MRTFB: variants seen among roughly 807,000 people sequenced by gnomAD.
MRTFB encodes the protein myocardin-related transcription factor B.
MRTFB carries 29 observed loss-of-function variants against 104.2 expected under a neutral mutation model. That is an observed-to-expected ratio of 0.28 (90% CI 0.21 to 0.38). The LOEUF (loss-of-function observed/expected upper bound fraction) is 0.38. Among genes scored for constraint, MRTFB ranks in the 10% least tolerant of loss-of-function variants. MRTFB has a pLI of 1.00. For synonymous variants in MRTFB, 535 were observed against 519.5 expected (o/e 1.03, Z -0.41); for missense variants, 1,270 against 1,341.6 (o/e 0.95, Z 0.83).
At chr16:14,021,582 C>T in the MRTFB span, among the ~76,000 whole-genome samples, 281 of 152,228 alleles carry the variant, frequency 1.8e-3, 1 homozygote, top group Admixed American at 4.2e-3. Context: ...CCTTCCCACC[C>T]TTTCCCTCTG....
chr16:14,221,958 T>A (rs1217251102), intron 8 of MRTFB, among the ~76,000 whole-genome samples: 1 of 152,034 alleles, frequency 6.6e-6, no homozygotes, highest in South Asian at 2.1e-4. Flanking sequence ...ATTTTTGTAT[T>A]TTTGTAGAGA....
In MRTFB at chr16:14,090,908, G is replaced by GTGTGTA. The variant is rs1555481480; in HGVS notation, c.-64+11559_-64+11560insATGTGT. 5.0e-3 allele frequency among the ~76,000 whole-genome samples: 765 copies of GTGTGTA among 151,950 alleles called. 8 individuals carry two copies. The highest frequency in any genetic ancestry group is 0.017 in the African/African-American group (713 of 41,430). ...TGTGTGTGTGTGTGTGTGTGTGTGT[G>GTGTGTA]TGTGTGTGTGTGTAGTTCTGTATAG... On this transcript the variant is annotated intron_variant, in intron 2 of 16. Coordinates refer to ENST00000571589, the MANE Select transcript of MRTFB (RefSeq NM_001308142.2).
chr16:14,036,618 G>T, the MRTFB span, among the ~76,000 whole-genome samples: 1 of 148,182 alleles, frequency 6.7e-6, no homozygotes, highest in East Asian at 2.0e-4. Flanking sequence ...TATATATGTT[G>T]AAATATATAC....
At chr16:14,043,110 T>C in the MRTFB span, among the ~76,000 whole-genome samples, 1 of 152,280 alleles carries the variant, frequency 6.6e-6, no homozygotes, top group African/African-American at 2.4e-5. Context: ...TGTGGCCTCA[T>C]TTTATTTTAT....
rs2043124658 is a variant in MRTFB at position 14,248,642 on chromosome 16, C to T, written c.2248-284C>T. On this transcript the variant is annotated intron_variant, in intron 12 of 16. Coordinates refer to ENST00000571589, the MANE Select transcript of MRTFB (RefSeq NM_001308142.2). ...CCTGAGCTATTATGTGTAGAACTGC[C>T]TTAGGTTCTTATTATTTCCATTTCC... 3 of 311,276 alleles carry T rather than the reference C, an allele frequency of 9.6e-6. No homozygotes were observed. In the South Asian group the frequency reaches 1.1e-4, roughly 12 times the overall value. The allele number at this position is 311,276 out of a possible 1,614,324, so 19.3% of individuals were successfully genotyped here.
chr16:14,130,579 A>G (rs887528115), intron 2 of MRTFB, among the ~76,000 whole-genome samples: 1 of 152,256 alleles, frequency 6.6e-6, no homozygotes, highest in Non-Finnish European at 1.5e-5. Flanking sequence ...TTAAACTGCC[A>G]GAATTTTGCC....
intron 16 of MRTFB, among the ~76,000 whole-genome samples, chr16:14,258,917 TA>T (rs1050018396): frequency 1.3e-5 from 2 of 151,796 alleles, no homozygotes; most frequent in South Asian, 2.1e-4. Flanking sequence ...AATCAATATT[TA>T]AAAAAAAATT....
chr16:14,185,179 C>T (rs1028939209), intron 3 of MRTFB, among the ~76,000 whole-genome samples: 2 of 152,072 alleles, frequency 1.3e-5, no homozygotes, highest in African/African-American at 2.4e-5. Flanking sequence ...TTTGGACTGC[C>T]GAGGATGGAC....
intron 15 of MRTFB, among the ~76,000 whole-genome samples, chr16:14,253,456 G>A (rs1287706012): frequency 1.3e-5 from 2 of 152,296 alleles, no homozygotes; most frequent in East Asian, 3.9e-4. Context: ...TAACTTGTTG[G>A]GGCCACATGG....
chr16:14,222,214 C>G (rs1436256249), intron 8 of MRTFB, among the ~76,000 whole-genome samples: 1 of 152,144 alleles, frequency 6.6e-6, no homozygotes, highest in Non-Finnish European at 1.5e-5. Context: ...AGTGAAATCT[C>G]TGCCTTAGAT....
chr16:14,083,628 C>T (rs1038748338), intron 2 of MRTFB, among the ~76,000 whole-genome samples: 4 of 152,334 alleles, frequency 2.6e-5, no homozygotes, highest in Middle Eastern at 3.4e-3. Context: ...CCACGCTGTG[C>T]TGCCTAGGGT....
chr16:14,010,328 C>A, the MRTFB span, among the ~76,000 whole-genome samples: 2 of 152,044 alleles, frequency 1.3e-5, no homozygotes, highest in African/African-American at 4.8e-5. Flanking sequence ...GATTTATTTT[C>A]TTTTTTGAGA....
chr16:14,226,457 A>T (rs1166938822), intron 8 of MRTFB, among the ~76,000 whole-genome samples: 1 of 152,210 alleles, frequency 6.6e-6, no homozygotes, highest in Admixed American at 6.5e-5. Flanking sequence ...AACAAATGGT[A>T]CTGGGAAAAC....
At chr16:14,023,610 C>CACAT in the MRTFB span, among the ~76,000 whole-genome samples, 48 of 106,970 alleles carry the variant, frequency 4.5e-4, 4 homozygotes, top group African/African-American at 1.1e-3. Context: ...CACACACACA[C>CACAT]ATACATATAC....
At chr16:14,040,554 C>T in the MRTFB span, among the ~76,000 whole-genome samples, 1 of 152,028 alleles carries the variant, frequency 6.6e-6, no homozygotes, top group African/African-American at 2.4e-5. Flanking sequence ...CCTCCGCCTC[C>T]CTGGTTCCAG....
chr16:14,077,724 A>G (rs7193308), intron 1 of MRTFB, among the ~76,000 whole-genome samples: 17,500 of 152,130 alleles, frequency 0.12, 2,229 homozygotes, highest in African/African-American at 0.32. Flanking sequence ...TAAAAGAGAA[A>G]ACGTGTGAAA....
intron 3 of MRTFB, chr16:14,151,588 C>T (rs186126370): frequency 1.6e-4 from 24 of 152,242 alleles, no homozygotes; most frequent in Admixed American, 3.9e-4. Flanking sequence ...CCATTTTCTA[C>T]AAGTATTTCT....
intron 3 of MRTFB, chr16:14,200,474 C>T (rs2040642397): frequency 1.2e-6 from 2 of 1,610,482 alleles, no homozygotes; most frequent in Non-Finnish European, 1.7e-6. Context: ...ATCGTTTTTC[C>T]ACTTATTCTT....
chr16:14,146,074 G>A (rs532557733), intron 3 of MRTFB, among the ~76,000 whole-genome samples: 2 of 152,248 alleles, frequency 1.3e-5, no homozygotes, highest in African/African-American at 4.8e-5. Flanking sequence ...TTATTACAGA[G>A]TAAGCAGAGA....
Sources: gnomAD v4.1 joint callset for allele counts (sites outside exome capture counted in the v4.1 genomes callset) on GRCh38, gnomAD v4.1.1 for gene constraint, MANE v1.5 for transcripts, NCBI Gene and HGNC (gene_info 2026-07-23, HGNC 2026-07-21) for gene names.